Variants in KCNK13 observed in about 807,000 individuals in gnomAD.
The protein encoded by KCNK13 is potassium channel subfamily K member 13.
Under a neutral mutation model 23.4 loss-of-function variants are expected in KCNK13, and 12 were observed. That is an observed-to-expected ratio of 0.51 (90% CI 0.33 to 0.83). The LOEUF is 0.83. Among genes scored for constraint, KCNK13 ranks in the 40% least tolerant of loss-of-function variants. The pLI is 0.02. For synonymous variants in KCNK13, 231 were observed against 229.5 expected (o/e 1.01, Z -0.06); for missense variants, 463 against 556.3 (o/e 0.83, Z 1.69).
intron 1 of KCNK13, among the ~76,000 whole-genome samples, chr14:90,083,783 G>A (rs1247859923): frequency 2.0e-5 from 3 of 152,100 alleles, no homozygotes; most frequent in Non-Finnish European, 2.9e-5. Context: ...CCCAGTCTGC[G>A]GTATTTTGTT....
At chr14:90,175,370 T>C (rs1305732639) in intron 1 of KCNK13, among the ~76,000 whole-genome samples, 1 of 152,206 alleles carries the variant, frequency 6.6e-6, no homozygotes, top group Non-Finnish European at 1.5e-5. Flanking sequence ...ATTATTCTTA[T>C]AGCCCAATTT....
intron 1 of KCNK13, among the ~76,000 whole-genome samples, chr14:90,125,484 A>G (rs1889786867): frequency 6.6e-6 from 1 of 151,798 alleles, no homozygotes; most frequent in Non-Finnish European, 1.5e-5. Context: ...CGGCCTCCCA[A>G]AGTTCTGGGA....
chr14:90,096,244 C>T (rs376770086), intron 1 of KCNK13, among the ~76,000 whole-genome samples: 4 of 152,060 alleles, frequency 2.6e-5, no homozygotes, highest in African/African-American at 9.7e-5. Flanking sequence ...CTGGAGGTTG[C>T]GGTGTGGGGC....
At chr14:90,129,055 A>G (rs1228103756) in intron 1 of KCNK13, among the ~76,000 whole-genome samples, 3 of 152,120 alleles carry the variant, frequency 2.0e-5, no homozygotes, top group Non-Finnish European at 4.4e-5. Flanking sequence ...AACTCTAAGC[A>G]ATGTATTGCT....
chr14:90,170,436 A>T (rs1194882395), intron 1 of KCNK13, among the ~76,000 whole-genome samples: 2 of 151,756 alleles, frequency 1.3e-5, no homozygotes, highest in Non-Finnish European at 2.9e-5. Context: ...CTGGTCTCCA[A>T]CTCCTGACCT....
At chr14:90,065,387 G>T (rs952592880) in intron 1 of KCNK13, among the ~76,000 whole-genome samples, 2 of 152,204 alleles carry the variant, frequency 1.3e-5, no homozygotes, top group Non-Finnish European at 2.9e-5. Flanking sequence ...GAGGAACTTT[G>T]TCTTAGTTTG....
At chr14:90,140,945 A>G (rs1284839647) in intron 1 of KCNK13, among the ~76,000 whole-genome samples, 1 of 152,142 alleles carries the variant, frequency 6.6e-6, no homozygotes, top group African/African-American at 2.4e-5. Context: ...CCACTCTCAC[A>G]TTAGGGGAAG....
chr14:90,159,454 T>C (rs548019844), intron 1 of KCNK13, among the ~76,000 whole-genome samples: 10 of 152,382 alleles, frequency 6.6e-5, no homozygotes, highest in African/African-American at 2.4e-4. Flanking sequence ...TGGGTCTGTC[T>C]GTTCTTGATA....
intron 1 of KCNK13, among the ~76,000 whole-genome samples, chr14:90,131,945 T>A (rs1361370704): frequency 3.9e-5 from 6 of 152,142 alleles, no homozygotes; most frequent in Non-Finnish European, 7.3e-5. Context: ...CCCCAAAGAA[T>A]CGAAAGTAGG....
In KCNK13 at chr14:90,170,414, G is replaced by A. The variant is rs184755256; in HGVS notation, c.335-13697G>A. On this transcript the variant is annotated intron_variant, in intron 1 of 1. Transcript: ENST00000282146. ...TTTTTAGTAAAGACACGGTTTCTCT[G>A]TGTTGGCCAGGCTGGTCTCCAACTC... 6.3e-3 allele frequency among the ~76,000 whole-genome samples: 964 copies of A among 152,206 alleles called. 7 individuals are homozygous for A. Among genetic ancestry groups the A allele is most frequent in the African/African-American group, 0.022 (930 of 41,516 alleles).
At position 90,166,173 on chromosome 14, in the gene KCNK13, CTT is replaced by C. The variant is rs763920736; in HGVS notation, c.335-17935_335-17934del. On this transcript the variant is annotated intron_variant, in intron 1 of 1. Transcript: ENST00000282146. Reference sequence around the variant, plus strand: ...GTTTAATCTGTGCTACATTCATAATCTTTTGTCAGAGATGCTTTACTGTTATG... The same window carrying C: ...GTTTAATCTGTGCTACATTCATAATCTTGTCAGAGATGCTTTACTGTTATG... 1.9e-4 allele frequency among the ~76,000 whole-genome samples: 29 copies of C among 152,300 alleles called. 3 individuals are homozygous for C. Among genetic ancestry groups the C allele is most frequent in the Admixed American group, 1.2e-3 (19 of 15,308 alleles).
At chr14:90,093,322 A>G (rs758373279) in intron 1 of KCNK13, among the ~76,000 whole-genome samples, 3 of 152,212 alleles carry the variant, frequency 2.0e-5, no homozygotes, top group Non-Finnish European at 4.4e-5. Context: ...CCCCAAACAC[A>G]TGGTGTAGAA....
At chr14:90,172,884 T>C (rs1412181716) in intron 1 of KCNK13, among the ~76,000 whole-genome samples, 1 of 151,954 alleles carries the variant, frequency 6.6e-6, no homozygotes, top group African/African-American at 2.4e-5. Context: ...GAAATGAGTG[T>C]TGTGAAAGAT....
intron 1 of KCNK13, among the ~76,000 whole-genome samples, chr14:90,074,002 G>A (rs1889106826): frequency 6.7e-6 from 1 of 148,474 alleles, no homozygotes; most frequent in African/African-American, 2.5e-5. Context: ...TTGATGGGGG[G>A]ACGGAGCCCA....
intron 1 of KCNK13, among the ~76,000 whole-genome samples, chr14:90,111,735 A>T (rs1889617311): frequency 6.6e-6 from 1 of 152,242 alleles, no homozygotes; most frequent in African/African-American, 2.4e-5. Context: ...ACAACAATAA[A>T]GCCACTTTCC....
intron 1 of KCNK13, among the ~76,000 whole-genome samples, chr14:90,133,067 C>G (rs983096838): frequency 3.3e-5 from 5 of 152,166 alleles, no homozygotes; most frequent in Non-Finnish European, 7.3e-5. Context: ...TTTGACCTGT[C>G]CTCTTCCTTG....
At chr14:90,182,516 G>C (rs1890499223) in intron 1 of KCNK13, among the ~76,000 whole-genome samples, 1 of 152,098 alleles carries the variant, frequency 6.6e-6, no homozygotes, top group Non-Finnish European at 1.5e-5. Context: ...TTAGAAATTT[G>C]AACTTGAAAA....
chr14:90,124,893 A>C (rs902486287), intron 1 of KCNK13, among the ~76,000 whole-genome samples: 6 of 152,212 alleles, frequency 3.9e-5, no homozygotes, highest in Non-Finnish European at 1.5e-5. Context: ...TTAGCAACTC[A>C]AATTTGCAAA....
At chr14:90,139,673 C>T (rs1022531197) in intron 1 of KCNK13, among the ~76,000 whole-genome samples, 1 of 151,988 alleles carries the variant, frequency 6.6e-6, no homozygotes, top group East Asian at 1.9e-4. Flanking sequence ...CAGAAACATC[C>T]GATAGGGGCT....
Sources: allele counts gnomAD v4.1 joint callset (sites outside exome capture counted in the v4.1 genomes callset), GRCh38; gene constraint gnomAD v4.1.1; transcripts MANE v1.5; gene names NCBI Gene and HGNC (gene_info 2026-07-23, HGNC 2026-07-21).